Variants in CD82 observed in about 807,000 individuals in gnomAD.
The protein encoded by CD82 is CD82 molecule, also known as CD82 antigen.
In CD82, 36 loss-of-function variants were observed where a neutral mutation model predicts 37.4. The ratio of observed to expected loss-of-function variants is 0.96; its 90% CI spans 0.74 to 1.27. The LOEUF (loss-of-function observed/expected upper bound fraction) is 1.27, where lower values mean the gene tolerates loss of function less well. CD82 is among the 50% of genes most tolerant of loss of function. CD82 has a pLI of 0.00. For missense variants in CD82, 340 were observed against 347.0 expected, an observed-to-expected ratio of 0.98 and a Z score of 0.16; for synonymous variants, 158 against 137.4, an observed-to-expected ratio of 1.15 and a Z score of -1.05.
intron 1 of CD82, chr11:44,587,118 A>G: frequency 3.3e-6 from 1 of 299,470 alleles, no homozygotes; most frequent in African/African-American, 2.2e-5. Flanking sequence ...GATTGTAATG[A>G]GGAGCTGGAG....
intron 2 of CD82, 66 bp downstream of exon 2, chr11:44,587,622 G>A (rs766118685): frequency 5.1e-5 from 23 of 455,226 alleles, no homozygotes; most frequent in Non-Finnish European, 9.3e-5. Context: ...GGCGAGGAAG[G>A]TGGAGACCGA....
intron 6 of CD82, among the ~76,000 whole-genome samples, chr11:44,609,477 C>G (rs768637530): frequency 1.3e-5 from 2 of 152,050 alleles, no homozygotes; most frequent in Non-Finnish European, 2.9e-5. Context: ...CTCACTTGGC[C>G]TGGCTGGGAG....
At chr11:44,594,863 C>A in intron 3 of CD82, 138 bp downstream of exon 3, 1 of 693,530 alleles carries the variant, frequency 1.4e-6, no homozygotes. Context: ...CGAACTATCT[C>A]CAACGGAACC....
intron 6 of CD82, among the ~76,000 whole-genome samples, chr11:44,615,009 C>G (rs1016403108): frequency 6.6e-6 from 1 of 152,134 alleles, no homozygotes; most frequent in African/African-American, 2.4e-5. Context: ...AGGTGGGAGG[C>G]CCCTACGGGG....
intron 2 of CD82, among the ~76,000 whole-genome samples, chr11:44,591,783 G>A (rs1302275030): frequency 6.6e-6 from 1 of 152,024 alleles, no homozygotes; most frequent in Non-Finnish European, 1.5e-5. Context: ...ATTCCCTGGC[G>A]GCCACTCCTT....
At chr11:44,603,373 C>G (rs550713480) in intron 4 of CD82, among the ~76,000 whole-genome samples, 52 of 152,332 alleles carry the variant, frequency 3.4e-4, no homozygotes, top group African/African-American at 1.2e-3. Flanking sequence ...GGCACTAACG[C>G]CCCTTGGGGA....
Position 44,618,690 on chromosome 11 carries a change from C to T in CD82, c.693C>T (p.Ile231=), listed in dbSNP as rs1590354445. 6.2e-7 allele frequency: 1 copy of T among 1,613,558 alleles called. No individual in the cohort carries two copies. Among genetic ancestry groups the T allele is most frequent in the Non-Finnish European group, 8.5e-7 (1 of 1,179,934 alleles). ...QAWLQENLGI[I]LGVGVGVAII... ...GGCTGCAGGAGAACCTGGGCATCATCCTCGGCGTGGGCGTGGGTGTGGCCA... is the reference window on the plus strand; with the variant it reads ...GGCTGCAGGAGAACCTGGGCATCATTCTCGGCGTGGGCGTGGGTGTGGCCA... Residue 231 remains isoleucine (I), a synonymous_variant, in exon 9 of 10, where the codon ATC becomes ATT. Transcript: ENST00000227155.
At position 44,618,377 on chromosome 11, in the gene CD82, G is replaced by T. The variant is rs904205967; in HGVS notation, c.642+12G>T. 2 of 1,609,226 alleles carry T rather than the reference G, an allele frequency of 1.2e-6. No individual in the cohort carries two copies. The highest frequency in any genetic ancestry group is 1.7e-5 in the Admixed American group (1 of 59,908). On this transcript the variant is annotated intron_variant, in intron 8 of 9. Coordinates refer to ENST00000227155, the MANE Select transcript of CD82 (RefSeq NM_002231.4). ...CTGTGTACCAGGAGGTGTGCGGGGG[G>T]CTGCGGATCGGGGGCGGGGCTCCGA...
intron 2 of CD82, among the ~76,000 whole-genome samples, chr11:44,590,177 C>T (rs1853120049): frequency 6.6e-6 from 1 of 151,818 alleles, no homozygotes; most frequent in Non-Finnish European, 1.5e-5. Context: ...GCCATTTGAT[C>T]CTCTACACCA....
chr11:44,616,455 C>T (rs1224874678), intron 7 of CD82, among the ~76,000 whole-genome samples: 1 of 152,098 alleles, frequency 6.6e-6, no homozygotes, highest in Non-Finnish European at 1.5e-5. Flanking sequence ...TGACAAGGGA[C>T]CTGGGAGGAG....
intron 2 of CD82, among the ~76,000 whole-genome samples, chr11:44,593,078 C>T (rs922069762): frequency 1.3e-5 from 2 of 152,220 alleles, no homozygotes; most frequent in Non-Finnish European, 2.9e-5. Flanking sequence ...GTCATGAACC[C>T]TCCTCATTAG....
At chr11:44,575,481 C>T (rs1852878067) in intron 1 of CD82, among the ~76,000 whole-genome samples, 4 of 152,192 alleles carry the variant, frequency 2.6e-5, no homozygotes, top group Admixed American at 2.6e-4. Context: ...CCTTGGATGG[C>T]TTATGAAAGC....
rs571366243 is a variant in CD82, at chr11:44,602,734, C to T, written c.137-2324C>T. ...CTACCCCAGAGCATACCCTCACCTA[C>T]TTCCTAAGTCAGCTTGCTCAGATAT... is the stretch of plus-strand genomic sequence containing the variant. On this transcript the variant is annotated intron_variant, in intron 4 of 9. Transcript: ENST00000227155. Among the ~76,000 whole-genome samples the T allele has an allele frequency of 1.8e-4, 28 of 152,294 alleles. No individual in the cohort carries two copies. In the East Asian group the frequency reaches 5.2e-3, roughly 28 times the overall value.
At chr11:44,615,775 T>C (rs1015249510) in intron 7 of CD82, among the ~76,000 whole-genome samples, 4 of 152,172 alleles carry the variant, frequency 2.6e-5, no homozygotes, top group African/African-American at 9.7e-5. Context: ...TGGGGAGCCT[T>C]CTAGGGCAAA....
intron 2 of CD82, among the ~76,000 whole-genome samples, chr11:44,589,080 A>T (rs1853102390): frequency 6.6e-6 from 1 of 152,184 alleles, no homozygotes; most frequent in African/African-American, 2.4e-5. Flanking sequence ...AACACGGCAA[A>T]ACCCTGTCTC....
At chr11:44,576,496 A>T (rs988876093) in intron 1 of CD82, among the ~76,000 whole-genome samples, 1 of 152,072 alleles carries the variant, frequency 6.6e-6, no homozygotes, top group African/African-American at 2.4e-5. Context: ...TTCTGGAGGG[A>T]GCCGGGATGT....
Position 44,597,835 on chromosome 11 carries a change from G to GAGCCAACCCA in CD82, c.64-2323_64-2322insAGCCAACCCA. 1.3e-5 allele frequency among the ~76,000 whole-genome samples: 2 copies of GAGCCAACCCA among 152,186 alleles called. No individual in the cohort carries two copies. Among genetic ancestry groups the GAGCCAACCCA allele is most frequent in the East Asian group, 3.9e-4 (2 of 5,148 alleles). ...CTCGCTGTGCTGTGGGGTGGTTGTG[G>GAGCCAACCCA]GCTGGGTAGGGTTGCAGGTCTTGGG... On this transcript the variant is annotated intron_variant, in intron 3 of 9. Coordinates refer to ENST00000227155, the MANE Select transcript of CD82 (RefSeq NM_002231.4). The surrounding 1 kb of genome is among the most constrained non-coding windows in gnomAD (Gnocchi z 4.1).
chr11:44,585,037 G>A (rs1853033264), intron 1 of CD82: 1 of 357,300 alleles, frequency 2.8e-6, no homozygotes, highest in African/African-American at 2.1e-5. Context: ...CACCAAACTG[G>A]CTGGACCTCT....
In CD82 at chr11:44,619,313, C is replaced by A. The variant is rs1229034459; in HGVS notation, c.*187C>A. The A allele has an allele frequency of 3.4e-6, 2 of 587,570 alleles. No individual in the cohort carries two copies. Among genetic ancestry groups the A allele is most frequent in the East Asian group, 2.8e-5 (1 of 35,192 alleles). The allele number at this position is 587,570 out of a possible 1,614,324, so 36.4% of individuals were successfully genotyped here. On this transcript the variant is annotated 3_prime_UTR_variant, in exon 10 of 10. Coordinates refer to ENST00000227155, the MANE Select transcript of CD82 (RefSeq NM_002231.4). ...GGCCTATCCGCTGCCAGCCTTGAGC[C>A]CTGGCTGTTCTGTGGTTCCTCTGCT... is the stretch of plus-strand genomic sequence containing the variant.
Sources: gnomAD v4.1 joint callset for allele counts (sites outside exome capture counted in the v4.1 genomes callset) on GRCh38, gnomAD v4.1.1 for gene constraint, Gnocchi (gnomAD v3.1) non-coding constraint, MANE v1.5 for transcripts, NCBI Gene and HGNC (gene_info 2026-07-23, HGNC 2026-07-21) for gene names.